The following A2ML1 variants were observed in gnomAD, a reference collection of about 807,000 sequenced individuals.
A2ML1 encodes the protein alpha-2-macroglobulin like 1, also known as alpha-2-macroglobulin-like protein 1.
In A2ML1, 161 loss-of-function variants were observed where a neutral mutation model predicts 181.9. The observed-to-expected ratio is 0.89, with a 90% CI of 0.78 to 1.01. The LOEUF is 1.01. Among genes scored for constraint, A2ML1 ranks in the 50% least tolerant of loss-of-function variants. A2ML1 has a pLI of 0.00. For missense variants in A2ML1, 1,670 were observed against 1,768.1 expected (o/e 0.94, Z 1.00); for synonymous variants, 663 against 666.8 (o/e 0.99, Z 0.09).
intron 29 of A2ML1, among the ~76,000 whole-genome samples, chr12:8,867,261 C>A (rs187420761): frequency 6.6e-6 from 1 of 152,228 alleles, no homozygotes; most frequent in African/African-American, 2.4e-5. Flanking sequence ...ATAACTCATT[C>A]TGAAACTGTT....
At chr12:8,885,050 T>G (rs1944908827) in intron 7 of A2ML1, among the ~76,000 whole-genome samples, 6 of 152,204 alleles carry the variant, frequency 3.9e-5, no homozygotes. Flanking sequence ...GTAATGGGAT[T>G]GCTGGCTTGT....
chr12:8,835,647 T>C lies in A2ML1; in HGVS notation c.624T>C (p.Thr208=). ...VAVAEGKTFG[T]FSVEEYVLPK... Reference sequence around the variant, plus strand: ...TGGCTGAGGGCAAGACCTTTGGTACTTTCAGTGTGGAGGAATATGGTAGGT... The same window carrying C: ...TGGCTGAGGGCAAGACCTTTGGTACCTTCAGTGTGGAGGAATATGGTAGGT... The change falls in exon 6 of 36, where the codon ACT becomes ACC. Residue 208 remains threonine (T), a synonymous_variant. Coordinates refer to ENST00000299698, the MANE Select transcript of A2ML1 (RefSeq NM_144670.6). 1 of 1,614,124 alleles carries C rather than the reference T, an allele frequency of 6.2e-7. No homozygotes were observed. Among genetic ancestry groups the C allele is most frequent in the Non-Finnish European group, 8.5e-7 (1 of 1,180,004 alleles).
At chr12:8,850,864 A>G (rs956485447) in intron 18 of A2ML1, among the ~76,000 whole-genome samples, 1 of 152,026 alleles carries the variant, frequency 6.6e-6, no homozygotes, top group Non-Finnish European at 1.5e-5. Context: ...TCAGCCTCCC[A>G]AGTAGCTGGG....
intron 11 of A2ML1, 119 bp downstream of exon 11, chr12:8,841,655 G>A (rs1212063180): frequency 3.8e-6 from 4 of 1,062,120 alleles, no homozygotes; most frequent in Non-Finnish European, 5.3e-6. Context: ...TCACTCACAA[G>A]TCCTGCTCTC....
chr12:8,842,122 A>G (rs4883189), intron 11 of A2ML1, among the ~76,000 whole-genome samples: 43,123 of 152,114 alleles, frequency 0.28, 7,104 homozygotes, highest in East Asian at 0.75. Flanking sequence ...TGCAGGAGCC[A>G]GCTAGCCCAG....
intron 33 of A2ML1, among the ~76,000 whole-genome samples, chr12:8,872,352 C>T (rs1222026344): frequency 6.6e-6 from 1 of 151,928 alleles, no homozygotes; most frequent in Non-Finnish European, 1.5e-5. Flanking sequence ...AAACAGCTTT[C>T]GGTGAAGTGG....
intron 4 of A2ML1, among the ~76,000 whole-genome samples, chr12:8,832,979 CT>C (rs10670476): frequency 1.1e-4 from 15 of 138,672 alleles, no homozygotes; most frequent in Non-Finnish European, 1.4e-4. Flanking sequence ...TGCTACTTTC[CT>C]TTTTTTTTTT....
At chr12:8,845,696 A>C (rs1451300287) in intron 13 of A2ML1, among the ~76,000 whole-genome samples, 194 bp downstream of exon 13, 2 of 151,912 alleles carry the variant, frequency 1.3e-5, no homozygotes, top group Non-Finnish European at 2.9e-5. Flanking sequence ...AAATACAAAA[A>C]AAAATTAGCC....
rs767420128 is a variant in A2ML1 at position 8,847,611 on chromosome 12, G to A, written c.1746G>A (p.Gln582=). Residue 582 remains glutamine, a synonymous_variant, in exon 15 of 36, where the codon CAG becomes CAA. Transcript: ENST00000299698. Reference sequence around the variant, plus strand: ...GAGCAGAAGTGGAGCTGCAGCTGCAGGCAGCTCCCGGATCCCTGTGTGCGC... The same window carrying A: ...GAGCAGAAGTGGAGCTGCAGCTGCAAGCAGCTCCCGGATCCCTGTGTGCGC... ...LPGAEVELQL[Q]AAPGSLCALR... The A allele has an allele frequency of 3.0e-5, 48 of 1,613,614 alleles. No homozygotes were observed. The highest frequency in any genetic ancestry group is 1.6e-4 in the Middle Eastern group (1 of 6,084).
Position 8,875,009 on chromosome 12 carries a change from T to C in A2ML1, c.4363T>C (p.Ter1455ArgextTer2), listed in dbSNP as rs1445250139. 6.2e-7 allele frequency: 1 copy of C among 1,614,076 alleles called. No individual in the cohort carries two copies. Residue 1455 changes from the stop codon to arginine, a stop_lost, in exon 35 of 36, where the codon TGA (stop) becomes CGA (arginine). Coordinates refer to ENST00000299698, the MANE Select transcript of A2ML1 (RefSeq NM_144670.6). ...ATIQYSDPCE[*>R] is the part of the protein sequence containing the mutation. ...AATTCAGTATTCTGATCCCTGTGAATGAGGTAAGTCCAGCGGAGAAATGGG... is the reference window on the plus strand; with the variant it reads ...AATTCAGTATTCTGATCCCTGTGAACGAGGTAAGTCCAGCGGAGAAATGGG...
chr12:8,824,473 T>A (rs968646078), intron 3 of A2ML1, among the ~76,000 whole-genome samples: 1 of 152,024 alleles, frequency 6.6e-6, no homozygotes. Flanking sequence ...CCTCAAGCAT[T>A]TATCATTTCC....
intron 26 of A2ML1, 39 bp from the exon 27 acceptor site, chr12:8,860,842 C>A: frequency 1.3e-6 from 2 of 1,567,722 alleles, no homozygotes; most frequent in Non-Finnish European, 1.8e-6. Flanking sequence ...GCAGCTGCTG[C>A]CTGCTGCCCT....
At chr12:8,836,481 CTT>C (rs751110394) in intron 7 of A2ML1, 142 bp downstream of exon 7, 43,414 of 382,434 alleles carry the variant, frequency 0.11, no homozygotes, top group South Asian at 0.14. Context: ...TATCCAAGAC[CTT>C]TTTTTTTTTT....
intron 4 of A2ML1, among the ~76,000 whole-genome samples, chr12:8,833,570 T>C (rs1331379514): frequency 6.6e-6 from 1 of 151,722 alleles, no homozygotes; most frequent in African/African-American, 2.4e-5. Context: ...CTAATTTTTG[T>C]ATTTTTAGTA....
chr12:8,872,724 C>T (rs978755708), intron 33 of A2ML1, among the ~76,000 whole-genome samples: 6 of 147,238 alleles, frequency 4.1e-5, no homozygotes, highest in Admixed American at 6.9e-5. Flanking sequence ...GCAGAGGTTG[C>T]GGTGAGCCGA....
intron 3 of A2ML1, among the ~76,000 whole-genome samples, chr12:8,827,735 C>T (rs1942975860): frequency 6.6e-6 from 1 of 152,098 alleles, no homozygotes; most frequent in African/African-American, 2.4e-5. Flanking sequence ...TGTACCTGTC[C>T]TCCTTGGGCA....
intron 23 of A2ML1, among the ~76,000 whole-genome samples, chr12:8,856,279 G>A (rs181551712): frequency 2.4e-4 from 37 of 152,136 alleles, no homozygotes; most frequent in Non-Finnish European, 4.1e-4. Flanking sequence ...TATTTTATTC[G>A]TAAGTCTGAC....
At chr12:8,832,781 C>T (rs1225870881) in intron 4 of A2ML1, among the ~76,000 whole-genome samples, 1 of 152,018 alleles carries the variant, frequency 6.6e-6, no homozygotes, top group Non-Finnish European at 1.5e-5. Context: ...AGCAAGATAG[C>T]GTTGGTTAGG....
chr12:8,884,080 C>G (rs533606467), intron 7 of A2ML1, among the ~76,000 whole-genome samples: 2 of 152,212 alleles, frequency 1.3e-5, no homozygotes, highest in African/African-American at 4.8e-5. Context: ...CCCACCACAC[C>G]TGGCCCTGTT....
Sources: gnomAD v4.1 joint callset for allele counts (sites outside exome capture counted in the v4.1 genomes callset) on GRCh38, gnomAD v4.1.1 for gene constraint, MANE v1.5 for transcripts, NCBI Gene and HGNC (gene_info 2026-07-23, HGNC 2026-07-21) for gene names.